GABRB1: variants seen among roughly 807,000 people sequenced by gnomAD.
GABRB1 encodes the protein gamma-aminobutyric acid type A receptor subunit beta1.
GABRB1 carries 17 observed loss-of-function variants against 51.6 expected under a neutral mutation model. The ratio of observed to expected loss-of-function variants is 0.33; its 90% CI spans 0.23 to 0.49. The LOEUF is 0.49. GABRB1 is among the 20% of genes least tolerant of loss of function. The probability of loss-of-function intolerance (pLI) is 0.99; values close to 1 mark genes in which losing one functional copy is unlikely to be tolerated. For synonymous variants in GABRB1, 247 were observed against 218.9 expected, an observed-to-expected ratio of 1.13 and a Z score of -1.14; for missense variants, 410 against 600.6, an observed-to-expected ratio of 0.68 and a Z score of 3.32.
At chr4:47,125,094 A>C (rs1716055481) in intron 3 of GABRB1, among the ~76,000 whole-genome samples, 1 of 152,182 alleles carries the variant, frequency 6.6e-6, no homozygotes, top group Non-Finnish European at 1.5e-5. Flanking sequence ...GTAAAACACC[A>C]CATAAAAGGG....
At chr4:47,173,800 AAT>A (rs1364613745) in intron 4 of GABRB1, among the ~76,000 whole-genome samples, 1 of 152,060 alleles carries the variant, frequency 6.6e-6, no homozygotes, top group East Asian at 1.9e-4. Flanking sequence ...TCTAAAGTGC[AAT>A]TTCATCACAC....
At chr4:47,009,603 G>A (rs1452327905) in intron 1 of GABRB1, among the ~76,000 whole-genome samples, 1 of 152,182 alleles carries the variant, frequency 6.6e-6, no homozygotes, top group African/African-American at 2.4e-5. Context: ...GAGGCCTCTG[G>A]TTAGCCAGAT....
At chr4:47,316,589 G>C (rs1724900258) in intron 4 of GABRB1, among the ~76,000 whole-genome samples, 2 of 151,840 alleles carry the variant, frequency 1.3e-5, no homozygotes, top group Non-Finnish European at 2.9e-5. Flanking sequence ...ATATTAACTT[G>C]TGCTGCCAGG....
chr4:47,250,002 T>A (rs1721923156), intron 4 of GABRB1, among the ~76,000 whole-genome samples: 1 of 152,078 alleles, frequency 6.6e-6, no homozygotes, highest in Admixed American at 6.6e-5. Flanking sequence ...GGTATTTTTG[T>A]TTTTTGTTTT....
intron 3 of GABRB1, among the ~76,000 whole-genome samples, chr4:47,129,181 G>A (rs911434524): frequency 1.3e-5 from 2 of 152,040 alleles, no homozygotes; most frequent in Middle Eastern, 3.2e-3. Flanking sequence ...ATCTCCATGT[G>A]AGCTAATATA....
chr4:47,134,018 T>A (rs1252200883), intron 3 of GABRB1, among the ~76,000 whole-genome samples: 1 of 152,208 alleles, frequency 6.6e-6, no homozygotes, highest in Non-Finnish European at 1.5e-5. Context: ...TCTCAGTGTT[T>A]AAGAACTTTC....
At chr4:47,032,066 T>C (rs879085231) in intron 2 of GABRB1, 61 bp downstream of exon 2, 11 of 871,634 alleles carry the variant, frequency 1.3e-5, no homozygotes, top group Non-Finnish European at 1.8e-5. Context: ...CTGTCAAAGA[T>C]AAATGTCAAA....
intron 3 of GABRB1, among the ~76,000 whole-genome samples, chr4:47,040,050 G>A (rs993633889): frequency 1.3e-5 from 2 of 152,148 alleles, no homozygotes; most frequent in Non-Finnish European, 2.9e-5. Flanking sequence ...AATATTTACT[G>A]TCTTTTATAT....
intron 3 of GABRB1, among the ~76,000 whole-genome samples, chr4:47,160,543 T>A (rs1717897686): frequency 6.6e-6 from 1 of 152,112 alleles, no homozygotes; most frequent in Non-Finnish European, 1.5e-5. Context: ...TTAGTTATTA[T>A]TTATCAGGCA....
intron 3 of GABRB1, among the ~76,000 whole-genome samples, chr4:47,128,950 CCTACT>C (rs1716287373): frequency 6.6e-6 from 1 of 152,006 alleles, no homozygotes; most frequent in East Asian, 1.9e-4. Context: ...CTACTTGTGA[CCTACT>C]CTTTGTGGTA....
chr4:47,137,307 A>G (rs971255971), intron 3 of GABRB1, among the ~76,000 whole-genome samples: 1 of 116,346 alleles, frequency 8.6e-6, no homozygotes, highest in Non-Finnish European at 1.8e-5. Context: ...AGAGATTGGC[A>G]TGATATCGCA....
chr4:47,171,069 G>A (rs1353677252), intron 4 of GABRB1, among the ~76,000 whole-genome samples: 6 of 152,086 alleles, frequency 3.9e-5, no homozygotes, highest in African/African-American at 1.4e-4. Context: ...AACATTAAAT[G>A]AGCAACTGAA....
intron 4 of GABRB1, among the ~76,000 whole-genome samples, chr4:47,288,531 G>A (rs1213304943): frequency 6.6e-6 from 1 of 152,046 alleles, no homozygotes; most frequent in Non-Finnish European, 1.5e-5. Context: ...CAAAATGCTG[G>A]GATTACAGGT....
At chr4:47,190,809 G>T (rs752524093) in intron 4 of GABRB1, among the ~76,000 whole-genome samples, 1 of 152,110 alleles carries the variant, frequency 6.6e-6, no homozygotes, top group African/African-American at 2.4e-5. Context: ...GCCTGAGATC[G>T]TAGGGAGCAC....
At chr4:47,121,827 G>A (rs887074919) in intron 3 of GABRB1, among the ~76,000 whole-genome samples, 3 of 152,058 alleles carry the variant, frequency 2.0e-5, no homozygotes, top group Admixed American at 1.3e-4. Context: ...ACTTATAAAC[G>A]ATTATTCTAA....
At chr4:47,283,606 T>G (rs1723387094) in intron 4 of GABRB1, among the ~76,000 whole-genome samples, 1 of 151,538 alleles carries the variant, frequency 6.6e-6, no homozygotes, top group Non-Finnish European at 1.5e-5. Flanking sequence ...GCCAGGATGG[T>G]CTCCATCTCC....
intron 4 of GABRB1, among the ~76,000 whole-genome samples, chr4:47,306,556 T>G (rs552432661): frequency 6.6e-5 from 10 of 152,034 alleles, no homozygotes; most frequent in Non-Finnish European, 1.5e-5. Context: ...CATCCCATCC[T>G]CTTTTTTCCT....
intron 4 of GABRB1, among the ~76,000 whole-genome samples, chr4:47,307,411 T>C (rs1269551938): frequency 6.6e-6 from 1 of 152,072 alleles, no homozygotes; most frequent in Non-Finnish European, 1.5e-5. Flanking sequence ...AGTGCTCAAT[T>C]ATTAACTTGA....
At chr4:47,018,252 T>C (rs905506151) in intron 1 of GABRB1, among the ~76,000 whole-genome samples, 3 of 151,832 alleles carry the variant, frequency 2.0e-5, no homozygotes, top group Admixed American at 6.6e-5. Flanking sequence ...GGTCTTGAAC[T>C]CCTGGCCTCT....
Sources: allele counts gnomAD v4.1 joint callset (sites outside exome capture counted in the v4.1 genomes callset), GRCh38; gene constraint gnomAD v4.1.1; transcripts MANE v1.5; gene names NCBI Gene and HGNC (gene_info 2026-07-23, HGNC 2026-07-21).